Variants in MN1 observed in about 807,000 individuals in gnomAD.
MN1 encodes the protein MN1 proto-oncogene, transcriptional regulator.
Under a neutral mutation model 86.9 loss-of-function variants are expected in MN1, and 19 were observed. The ratio of observed to expected loss-of-function variants is 0.22; its 90% confidence interval spans 0.15 to 0.32. MN1 has a LOEUF of 0.32. Among genes scored for constraint, MN1 ranks in the 10% least tolerant of loss-of-function variants. MN1 has a pLI of 1.00. For synonymous variants in MN1, 928 were observed against 849.6 expected (o/e 1.09, Z -1.60); for missense variants, 1,841 against 1,862.0 (o/e 0.99, Z 0.21).
At chr22:27,768,996 T>C (rs535676538) in intron 1 of MN1, among the ~76,000 whole-genome samples, 1 of 152,200 alleles carries the variant, frequency 6.6e-6, no homozygotes, top group Admixed American at 6.5e-5. Context: ...TCTCTCCCAG[T>C]CTGCATCAGT....
In MN1 at chr22:27,799,193, T is replaced by C. The variant is rs1197026364; in HGVS notation, c.1351A>G (p.Met451Val). 4 of 1,605,732 alleles carry C rather than the reference T, an allele frequency of 2.5e-6. No individual in the cohort carries two copies. The highest frequency in any genetic ancestry group is 1.7e-6 in the Non-Finnish European group (2 of 1,174,478). Reference protein sequence around the residue: ...RLQHFDAPPYMNVAKRPRFDF... With the variant: ...RLQHFDAPPYVNVAKRPRFDF... The stretch of plus-strand genomic sequence containing the variant: ...AAGCGCGGCCTCTTGGCCACGTTCA[T>C]GTAGGGGGGCGCGTCGAAATGCTGC... Residue 451 changes from methionine (M) to valine (V), a missense_variant, in exon 1 of 2, where the codon ATG becomes GTG. Met to Val is a conservative substitution (Grantham distance 21, BLOSUM62 1). Coordinates refer to ENST00000302326, the MANE Select transcript of MN1 (RefSeq NM_002430.3).
chr22:27,780,772 G>A (rs1466598848), intron 1 of MN1, among the ~76,000 whole-genome samples: 1 of 152,102 alleles, frequency 6.6e-6, no homozygotes. Flanking sequence ...CCCTCCCCTA[G>A]AATGTAAACT....
intron 1 of MN1, among the ~76,000 whole-genome samples, chr22:27,783,542 T>C (rs1260025786): frequency 6.6e-6 from 1 of 152,134 alleles, no homozygotes; most frequent in Non-Finnish European, 1.5e-5. Flanking sequence ...GGTGAGGGCA[T>C]TAAGGGGCAG....
intron 1 of MN1, among the ~76,000 whole-genome samples, chr22:27,786,793 G>A (rs964364039): frequency 2.7e-5 from 4 of 149,344 alleles, no homozygotes; most frequent in African/African-American, 7.4e-5. Flanking sequence ...CTAGACTACT[G>A]GTGGCCATTA....
intron 1 of MN1, among the ~76,000 whole-genome samples, chr22:27,763,959 GC>G (rs1932851260): frequency 6.6e-6 from 1 of 152,208 alleles, no homozygotes; most frequent in Admixed American, 6.5e-5. Context: ...GGAAGAGGAG[GC>G]GAGAGGAGCA....
In MN1 at chr22:27,800,583, G is replaced by C. The variant is rs774620685; in HGVS notation, c.-40C>G. The C allele has an allele frequency of 1.7e-5, 27 of 1,612,038 alleles. No individual in the cohort carries two copies. Among genetic ancestry groups the C allele is most frequent in the Non-Finnish European group, 2.3e-5 (27 of 1,179,812 alleles). On this transcript the variant is annotated 5_prime_UTR_variant, in exon 1 of 2. Coordinates refer to ENST00000302326, the MANE Select transcript of MN1 (RefSeq NM_002430.3). Reference sequence around the variant, plus strand: ...AGAGGGGGATCAATAGGGCATGACAGCCGGCTCTCCGCGGCGCGCCTCCGG... The same window carrying C: ...AGAGGGGGATCAATAGGGCATGACACCCGGCTCTCCGCGGCGCGCCTCCGG...
rs35117962 is a variant in MN1, at chr22:27,785,746, G to GCC, written c.3781+11015_3781+11016dup. On this transcript the variant is annotated intron_variant, in intron 1 of 1. Coordinates refer to ENST00000302326, the MANE Select transcript of MN1 (RefSeq NM_002430.3). ...TATAGCTGATACAGGTAACAGGTGTGCCCCCCCCCCATGGCCCCTCCCAGC... is the reference window on the plus strand; with the variant it reads ...TATAGCTGATACAGGTAACAGGTGTGCCCCCCCCCCCCATGGCCCCTCCCAGC... 9.8e-3 allele frequency among the ~76,000 whole-genome samples: 1,318 copies of GCC among 135,114 alleles called. 12 individuals are homozygous for GCC. The highest frequency in any genetic ancestry group is 0.028 in the African/African-American group (1,023 of 36,296). 88.6% of individuals were successfully genotyped at this position (135,114 alleles called of 152,430 possible).
chr22:27,774,708 G>C (rs535522121), intron 1 of MN1, among the ~76,000 whole-genome samples: 1 of 152,182 alleles, frequency 6.6e-6, no homozygotes, highest in Non-Finnish European at 1.5e-5. Flanking sequence ...TTTCGTGCCC[G>C]CAGAACCCCA....
At chr22:27,756,464 A>G (rs1568970457) in intron 1 of MN1, among the ~76,000 whole-genome samples, 1 of 152,050 alleles carries the variant, frequency 6.6e-6, no homozygotes, top group Non-Finnish European at 1.5e-5. Flanking sequence ...ACTGAGCCCC[A>G]GGGAAGGAGA....
Position 27,787,917 on chromosome 22 carries a change from C to T in MN1, c.3781+8846G>A, listed in dbSNP as rs1416570386. 2.0e-5 allele frequency among the ~76,000 whole-genome samples: 3 copies of T among 152,272 alleles called. No individual in the cohort carries two copies. The East Asian group carries it at 5.8e-4, about 30-fold the overall frequency. ...GCTAACAGACCCACAATGCGGTCAT[C>T]CAGTCTCAGGCTGGGTCCTCCGGAT... On this transcript the variant is annotated intron_variant, in intron 1 of 1. Transcript: ENST00000302326.
At position 27,749,106 on chromosome 22, in the gene MN1, TCG is replaced by T. The variant is rs1346695389; in HGVS notation, c.*1807_*1808del. 1 of 232,016 alleles carries T rather than the reference TCG, an allele frequency of 4.3e-6. No individual in the cohort carries two copies. Among genetic ancestry groups the T allele is most frequent in the Non-Finnish European group, 8.5e-6 (1 of 117,350 alleles). The allele number at this position is 232,016 out of a possible 1,614,324, so 14.4% of individuals were successfully genotyped here. On this transcript the variant is annotated 3_prime_UTR_variant, in exon 2 of 2. Transcript: ENST00000302326. ...GCCCTCTGAAGGCGGGGTTTGCTCC[TCG>T]TCAAGACTGCCCAGGCGAGAACCGC...
chr22:27,780,463 G>A (rs1328875041), intron 1 of MN1, among the ~76,000 whole-genome samples: 1 of 152,162 alleles, frequency 6.6e-6, no homozygotes, highest in Non-Finnish European at 1.5e-5. Context: ...CAGGAATTTT[G>A]CAATCCGGCT....
At chr22:27,774,438 C>T (rs1028995482) in intron 1 of MN1, among the ~76,000 whole-genome samples, 1 of 152,184 alleles carries the variant, frequency 6.6e-6, no homozygotes, top group Non-Finnish European at 1.5e-5. Context: ...CAGGGCCACA[C>T]AGCCCCAGGT....
intron 1 of MN1, 134 bp downstream of exon 1, chr22:27,796,629 C>G (rs756029884): frequency 2.7e-5 from 24 of 878,880 alleles, no homozygotes; most frequent in Admixed American, 5.2e-5. Context: ...GGTGGGATAA[C>G]CAGCTCCTAG....
rs1424791155 is a variant in MN1 at position 27,798,091 on chromosome 22, T to C, written c.2453A>G (p.Asn818Ser). Reference protein sequence around the residue: ...GSFNKPSSKDNLFGQSCLAAL... With the variant: ...GSFNKPSSKDSLFGQSCLAAL... Reference sequence around the variant, plus strand: ...AGCCAGGCAGCTCTGGCCGAACAGGTTGTCCTTGGAGCTGGGCTTGTTGAA... The same window carrying C: ...AGCCAGGCAGCTCTGGCCGAACAGGCTGTCCTTGGAGCTGGGCTTGTTGAA... Residue 818 changes from asparagine to serine, a missense_variant, in exon 1 of 2, where the codon AAC (asparagine) becomes AGC (serine). Physicochemically the swap from Asn to Ser is conservative, Grantham distance 46. Coordinates refer to ENST00000302326, the MANE Select transcript of MN1 (RefSeq NM_002430.3). 1.2e-6 allele frequency: 2 copies of C among 1,611,164 alleles called. No individual in the cohort carries two copies. The highest frequency in any genetic ancestry group is 1.7e-5 in the Admixed American group (1 of 59,900).
rs1932715674 is a variant in MN1, at chr22:27,748,296, T to A, written c.*2619A>T. 1 of 173,822 alleles carries A rather than the reference T, an allele frequency of 5.8e-6. No homozygotes were observed. The highest frequency in any genetic ancestry group is 1.2e-5 in the Non-Finnish European group (1 of 80,172). The allele number at this position is 173,822 out of a possible 1,614,324, so 10.8% of individuals were successfully genotyped here. ...CCACAGTCACCATTAACGTCATATT[T>A]ATTGTTATTTAACTGCTCAGGAAAA... On this transcript the variant is annotated 3_prime_UTR_variant, in exon 2 of 2. Transcript: ENST00000302326.
Position 27,786,804 on chromosome 22 carries a change from T to C in MN1, c.3781+9959A>G, listed in dbSNP as rs183317102. On this transcript the variant is annotated intron_variant, in intron 1 of 1. Transcript: ENST00000302326. ...GAACCTAGACTACTGGTGGCCATTA[T>C]TCTATGCCAGGCAATCCGGGCCCAT... Among the ~76,000 whole-genome samples, 108 of 151,064 alleles carry C rather than the reference T, an allele frequency of 7.1e-4. 2 individuals carry two copies. The highest frequency in any genetic ancestry group is 2.1e-3 in the African/African-American group (88 of 41,056).
intron 1 of MN1, among the ~76,000 whole-genome samples, chr22:27,766,824 T>C (rs1345475805): frequency 6.6e-6 from 1 of 152,140 alleles, no homozygotes; most frequent in Non-Finnish European, 1.5e-5. Flanking sequence ...GACCCCCTCC[T>C]CGTCCCGAAG....
chr22:27,783,952 C>T (rs1022145157), intron 1 of MN1, among the ~76,000 whole-genome samples: 2 of 152,196 alleles, frequency 1.3e-5, no homozygotes, highest in Non-Finnish European at 2.9e-5. Context: ...AGACTTTCCA[C>T]GATGATGCCG....
Sources: gnomAD v4.1 joint callset for allele counts (sites outside exome capture counted in the v4.1 genomes callset) on GRCh38, gnomAD v4.1.1 for gene constraint, MANE v1.5 for transcripts, NCBI Gene and HGNC (gene_info 2026-07-23, HGNC 2026-07-21) for gene names.